The following NIM1K variants were observed in gnomAD, a reference collection of about 807,000 sequenced individuals.
NIM1K encodes serine/threonine-protein kinase NIM1.
A neutral mutation model predicts 37.1 loss-of-function variants in NIM1K; 35 were observed. That is an observed-to-expected ratio of 0.94 (90% CI 0.72 to 1.25). The LOEUF (loss-of-function observed/expected upper bound fraction) is 1.25, where lower values mean the gene tolerates loss of function less well. Among genes scored for constraint, NIM1K ranks in the 50% most tolerant of loss-of-function variants. The pLI is 0.00. For synonymous variants in NIM1K, 234 were observed against 206.6 expected, an observed-to-expected ratio of 1.13 and a Z score of -1.14; for missense variants, 564 against 548.0, an observed-to-expected ratio of 1.03 and a Z score of -0.29.
At chr5:43,257,356 G>A (rs1752961503) in intron 2 of NIM1K, among the ~76,000 whole-genome samples, 1 of 139,240 alleles carries the variant, frequency 7.2e-6, no homozygotes, top group Non-Finnish European at 1.5e-5. Flanking sequence ...AGACAGTAAA[G>A]TGACTCTTTT....
intron 1 of NIM1K, among the ~76,000 whole-genome samples, chr5:43,237,934 A>G (rs1197339014): frequency 1.3e-5 from 2 of 152,122 alleles, no homozygotes; most frequent in Non-Finnish European, 2.9e-5. Context: ...TGTAACGGGA[A>G]ATTCTAATAA....
At chr5:43,238,724 C>T (rs190828098) in intron 1 of NIM1K, among the ~76,000 whole-genome samples, 67 of 151,882 alleles carry the variant, frequency 4.4e-4, no homozygotes, top group Non-Finnish European at 8.1e-4. Flanking sequence ...AACTTTCAAA[C>T]GTAGGTTTCA....
At chr5:43,240,498 A>T (rs961229577) in intron 1 of NIM1K, 3 of 151,252 alleles carry the variant, frequency 2.0e-5, no homozygotes, top group African/African-American at 7.3e-5. Flanking sequence ...CCTTCACCAG[A>T]TGCAATAACT....
intron 2 of NIM1K, among the ~76,000 whole-genome samples, chr5:43,267,767 C>A (rs901510869): frequency 6.6e-6 from 1 of 152,034 alleles, no homozygotes; most frequent in Admixed American, 6.5e-5. Flanking sequence ...TTTGAGAATT[C>A]CTTTTGGAGT....
At position 43,278,365 on chromosome 5, in the gene NIM1K, A is replaced by G. The variant is rs117490889; in HGVS notation, c.561+1040A>G. ...TGGCCGCTTGTGTCATTCTTATTTTAGTTCTTTGGTTACTTCTTTAGATAA... is the reference window on the plus strand; with the variant it reads ...TGGCCGCTTGTGTCATTCTTATTTTGGTTCTTTGGTTACTTCTTTAGATAA... On this transcript the variant is annotated intron_variant, in intron 3 of 3. Coordinates refer to ENST00000326035, the MANE Select transcript of NIM1K (RefSeq NM_153361.4). Among the ~76,000 whole-genome samples, 713 of 152,140 alleles carry G rather than the reference A, an allele frequency of 4.7e-3. 33 individuals carry two copies. The East Asian group carries it at 0.086, about 18-fold the overall frequency.
At chr5:43,265,194 TA>T (rs1481668096) in intron 2 of NIM1K, among the ~76,000 whole-genome samples, 1 of 152,278 alleles carries the variant, frequency 6.6e-6, no homozygotes, top group Non-Finnish European at 1.5e-5. Flanking sequence ...TTCTCCTGGA[TA>T]ATATCCTGCA....
intron 1 of NIM1K, among the ~76,000 whole-genome samples, chr5:43,200,294 G>GTTATT (rs1426022442): frequency 2.0e-5 from 3 of 151,856 alleles, no homozygotes; most frequent in African/African-American, 7.3e-5. Context: ...TTAAGTAGTA[G>GTTATT]TTATTTTATT....
chr5:43,261,556 G>A (rs1753030988), intron 2 of NIM1K, among the ~76,000 whole-genome samples: 1 of 152,004 alleles, frequency 6.6e-6, no homozygotes, highest in South Asian at 2.1e-4. Flanking sequence ...CCATTCTGTA[G>A]GTTGCCTGTT....
chr5:43,227,354 G>A lies in NIM1K; in HGVS notation c.-694-17728G>A, dbSNP rs75973726. On this transcript the variant is annotated intron_variant, in intron 1 of 3. Transcript: ENST00000326035. ...CAGCCTGGAGACAGAGCGAGACTCCGTTTCAAAAGAAAAAAATAATAAAAT... is the reference window on the plus strand; with the variant it reads ...CAGCCTGGAGACAGAGCGAGACTCCATTTCAAAAGAAAAAAATAATAAAAT... Among the ~76,000 whole-genome samples, 450 of 151,850 alleles carry A rather than the reference G, an allele frequency of 3.0e-3. 7 individuals carry two copies. In the East Asian group the frequency reaches 0.043, roughly 15 times the overall value.
chr5:43,206,932 C>T, intron 1 of NIM1K: 1 of 767,974 alleles, frequency 1.3e-6, no homozygotes, highest in Non-Finnish European at 2.4e-6. Context: ...TTCAGAGTTA[C>T]AATGGTGATG....
intron 3 of NIM1K, among the ~76,000 whole-genome samples, chr5:43,278,294 C>G (rs1376356843): frequency 6.6e-6 from 1 of 152,202 alleles, no homozygotes; most frequent in East Asian, 1.9e-4. Flanking sequence ...ATCCACCTGC[C>G]TCGGTCTCCC....
intron 2 of NIM1K, among the ~76,000 whole-genome samples, chr5:43,256,289 G>T (rs1263710237): frequency 1.3e-5 from 2 of 152,232 alleles, no homozygotes; most frequent in Non-Finnish European, 2.9e-5. Context: ...TTTGGACTAG[G>T]AAGGTAGTAG....
At chr5:43,249,234 T>TG (rs1752832753) in intron 2 of NIM1K, among the ~76,000 whole-genome samples, 1 of 151,868 alleles carries the variant, frequency 6.6e-6, no homozygotes, top group Non-Finnish European at 1.5e-5. Context: ...CACGCCCGGC[T>TG]AATTTTTTGT....
intron 1 of NIM1K, among the ~76,000 whole-genome samples, chr5:43,218,593 A>G (rs901627760): frequency 6.6e-6 from 1 of 152,184 alleles, no homozygotes; most frequent in Non-Finnish European, 1.5e-5. Context: ...TCCGTGAACT[A>G]ACAGAGAGAA....
intron 1 of NIM1K, among the ~76,000 whole-genome samples, chr5:43,231,557 T>C (rs1469977592): frequency 1.3e-5 from 2 of 152,202 alleles, no homozygotes; most frequent in Non-Finnish European, 2.9e-5. Context: ...GTATTATTTA[T>C]TCTGTTAGTT....
intron 1 of NIM1K, chr5:43,206,626 G>A (rs13153462): frequency 6.1e-6 from 4 of 657,662 alleles, no homozygotes; most frequent in South Asian, 3.2e-5. Context: ...CTGGTGCAGC[G>A]CACTCCCTGC....
At chr5:43,208,674 C>T (rs141630466) in intron 1 of NIM1K, among the ~76,000 whole-genome samples, 4 of 152,088 alleles carry the variant, frequency 2.6e-5, no homozygotes, top group African/African-American at 9.6e-5. Context: ...GTATGTAGAG[C>T]CACATGGGCA....
intron 2 of NIM1K, among the ~76,000 whole-genome samples, chr5:43,270,200 A>G (rs1380021217): frequency 6.6e-6 from 1 of 152,190 alleles, no homozygotes; most frequent in African/African-American, 2.4e-5. Flanking sequence ...CTGGCTTGTA[A>G]GGTTTCTGCT....
At chr5:43,272,481 C>A (rs539947622) in intron 2 of NIM1K, among the ~76,000 whole-genome samples, 1 of 152,120 alleles carries the variant, frequency 6.6e-6, no homozygotes, top group Non-Finnish European at 1.5e-5. Context: ...TCTCCTTAGT[C>A]CTCTGGGTTC....
Sources: gnomAD v4.1 joint callset for allele counts (sites outside exome capture counted in the v4.1 genomes callset) on GRCh38, gnomAD v4.1.1 for gene constraint, MANE v1.5 for transcripts, NCBI Gene and HGNC (gene_info 2026-07-23, HGNC 2026-07-21) for gene names.